The following GLIS1 variants were observed in gnomAD, a reference collection of about 807,000 sequenced individuals.
GLIS1 encodes the protein GLIS family zinc finger 1, also known as zinc finger protein GLIS1.
A neutral mutation model predicts 63.8 loss-of-function variants in GLIS1; 24 were observed. The observed-to-expected ratio is 0.38, with a 90% CI of 0.27 to 0.53. GLIS1 has a LOEUF of 0.53. GLIS1 is among the 20% of genes least tolerant of loss of function. The probability of loss-of-function intolerance (pLI) is 0.85; values close to 1 mark genes in which losing one functional copy is unlikely to be tolerated. For synonymous variants in GLIS1, 450 were observed against 482.5 expected (o/e 0.93, Z 0.88); for missense variants, 1,036 against 1,074.1 (o/e 0.96, Z 0.50).
At chr1:53,518,265 G>A (rs1180180540) in intron 7 of GLIS1, among the ~76,000 whole-genome samples, 1 of 152,208 alleles carries the variant, frequency 6.6e-6, no homozygotes, top group Non-Finnish European at 1.5e-5. Flanking sequence ...CTAGCAGCAG[G>A]GAGGTGCGGG....
rs1348229948 is a variant in GLIS1, at chr1:53,614,078, CATTT to C, written c.260-13804_260-13801del. Reference sequence around the variant, plus strand: ...ATACATCAAATGTTAACAATTCATTCATTTAACACATGGATATTGAATGCCTACT... The same window carrying C: ...ATACATCAAATGTTAACAATTCATTCAACACATGGATATTGAATGCCTACT... On this transcript the variant is annotated intron_variant, in intron 2 of 10. Coordinates refer to ENST00000628545, the MANE Select transcript of GLIS1 (RefSeq NM_001367484.1). Among the ~76,000 whole-genome samples the C allele has an allele frequency of 7.9e-5, 12 of 152,164 alleles. 1 individual carries two copies. Among genetic ancestry groups the C allele is most frequent in the Admixed American group, 7.9e-4 (12 of 15,278 alleles).
rs1644332348 is a variant in GLIS1 at position 53,514,708 on chromosome 1, A to G, written c.1800T>C (p.Pro600=). The change falls in exon 8 of 11, where the codon CCT becomes CCC. Residue 600 remains proline (P), a synonymous_variant. Transcript: ENST00000628545. ...TGGCATCCAGCGGGTGGTGCCTGGAAGGTACGTCGTGCGCTGGGGGCAGGA... is the reference window on the plus strand; with the variant it reads ...TGGCATCCAGCGGGTGGTGCCTGGAGGGTACGTCGTGCGCTGGGGGCAGGA... The part of the protein sequence containing the change: ...SGLLPPAHDV[P]SRHHPLDATT... 4.3e-6 allele frequency: 7 copies of G among 1,613,694 alleles called. No individual in the cohort carries two copies. Among genetic ancestry groups the G allele is most frequent in the Non-Finnish European group, 4.2e-6 (5 of 1,179,866 alleles).
At chr1:53,694,381 C>G (rs552727204) in intron 2 of GLIS1, among the ~76,000 whole-genome samples, 1 of 152,218 alleles carries the variant, frequency 6.6e-6, no homozygotes, top group Non-Finnish European at 1.5e-5. Context: ...CAAGCTTATA[C>G]CTCCTCACTC....
intron 6 of GLIS1, among the ~76,000 whole-genome samples, chr1:53,522,259 G>T (rs1195883864): frequency 6.6e-6 from 1 of 152,246 alleles, no homozygotes; most frequent in Non-Finnish European, 1.5e-5. Flanking sequence ...TACAAGGGTC[G>T]CTTTACCCAG....
chr1:53,634,837 C>T (rs1028054028), intron 2 of GLIS1, among the ~76,000 whole-genome samples: 5 of 152,104 alleles, frequency 3.3e-5, no homozygotes, highest in South Asian at 4.1e-4. Context: ...CACGAATAAA[C>T]GCTTCCCCTT....
chr1:53,709,385 CATATATATACATATACATATATATAT>C (rs1557534389), intron 2 of GLIS1, among the ~76,000 whole-genome samples: 690 of 43,722 alleles, frequency 0.016, 10 homozygotes, highest in African/African-American at 0.051. Context: ...TACATATATA[CATATATATACATATACATATATATAT>C]ACACACACAC....
In GLIS1 at chr1:53,598,449, C is replaced by T. The variant is rs1371358435; in HGVS notation, c.437+1652G>A. 6.6e-6 allele frequency among the ~76,000 whole-genome samples: 1 copy of T among 151,962 alleles called. No homozygotes were observed. Among genetic ancestry groups the T allele is most frequent in the East Asian group, 1.9e-4 (1 of 5,168 alleles). ...GCTGGAGTGGCTGAGGTGGCAGGAT[C>T]ACTTGAGCCTGGGAGGTGGAGGCTG... On this transcript the variant is annotated intron_variant, in intron 3 of 10. Coordinates refer to ENST00000628545, the MANE Select transcript of GLIS1 (RefSeq NM_001367484.1). This position sits in a 1 kb window ranked among gnomAD's most constrained non-coding sequence, Gnocchi z 4.6.
In GLIS1 at chr1:53,577,690, G is replaced by A. The variant is rs75982382; in HGVS notation, c.1320+16418C>T. Among the ~76,000 whole-genome samples, 419 of 152,268 alleles carry A rather than the reference G, an allele frequency of 2.8e-3. 3 individuals are homozygous for A. The highest frequency in any genetic ancestry group is 9.5e-3 in the African/African-American group (394 of 41,540). On this transcript the variant is annotated intron_variant, in intron 4 of 10. Transcript: ENST00000628545. ...GTCTGGGTAGGCTCTAAGCTTGTGT[G>A]CCCCTGGAGGACCTGGGATCCTGCC... is the stretch of plus-strand genomic sequence containing the variant.
chr1:53,523,694 C>T (rs891890539), intron 6 of GLIS1, among the ~76,000 whole-genome samples: 1 of 152,178 alleles, frequency 6.6e-6, no homozygotes, highest in Admixed American at 6.5e-5. Flanking sequence ...GGGCTCTGCC[C>T]CCAGCTGCAG....
At chr1:53,655,162 C>T (rs999954842) in intron 2 of GLIS1, among the ~76,000 whole-genome samples, 10 of 152,130 alleles carry the variant, frequency 6.6e-5, no homozygotes, top group Non-Finnish European at 1.5e-5. Flanking sequence ...CTAACCTGTA[C>T]CTTCAGATGT....
chr1:53,639,764 G>C lies in GLIS1; in HGVS notation c.260-39486C>G, dbSNP rs1466320181. Among the ~76,000 whole-genome samples the C allele has an allele frequency of 6.6e-6, 1 of 152,132 alleles. No individual in the cohort carries two copies. Among genetic ancestry groups the C allele is most frequent in the African/African-American group, 2.4e-5 (1 of 41,418 alleles). On this transcript the variant is annotated intron_variant, in intron 2 of 10. Transcript: ENST00000628545. The surrounding 1 kb of genome is among the most constrained non-coding windows in gnomAD (Gnocchi z 4.6). ...TCAAGGACCAGGAGCACTGCTGTGG[G>C]CTTCAATGTATGCAAACCCTTCTCC...
At chr1:53,628,189 C>T (rs1489320683) in intron 2 of GLIS1, among the ~76,000 whole-genome samples, 2 of 152,152 alleles carry the variant, frequency 1.3e-5, no homozygotes, top group Non-Finnish European at 2.9e-5. Flanking sequence ...CTTTAGTGGT[C>T]ATTTCCTGAG....
chr1:53,509,204 C>T lies in GLIS1; in HGVS notation c.2146G>A (p.Asp716Asn), dbSNP rs997155148. 1 of 1,598,876 alleles carries T rather than the reference C, an allele frequency of 6.3e-7. No individual in the cohort carries two copies. Among genetic ancestry groups the T allele is most frequent in the Non-Finnish European group, 8.5e-7 (1 of 1,173,344 alleles). ...YRMAEPAAGG[D>N]GLVGETHGFN... Reference sequence around the variant, plus strand: ...CCGTGGGTCTCCCCGACCAGTCCGTCCCCACCGGCTGCTGGTTCAGCCATC... The same window carrying T: ...CCGTGGGTCTCCCCGACCAGTCCGTTCCCACCGGCTGCTGGTTCAGCCATC... The change falls in exon 10 of 11, where the codon GAC (aspartate) becomes AAC (asparagine). Residue 716 changes from aspartate (D) to asparagine (N), a missense_variant. Transcript: ENST00000628545.
intron 4 of GLIS1, among the ~76,000 whole-genome samples, chr1:53,562,635 CT>C (rs751590512): frequency 6.6e-6 from 1 of 152,202 alleles, no homozygotes; most frequent in Non-Finnish European, 1.5e-5. Context: ...ATCCCATCCC[CT>C]TAGGTGCTGG....
intron 2 of GLIS1, among the ~76,000 whole-genome samples, chr1:53,718,749 C>A (rs1379091015): frequency 6.6e-6 from 1 of 152,170 alleles, no homozygotes; most frequent in African/African-American, 2.4e-5. Context: ...CTTAACTCTG[C>A]GGATCATTCC....
chr1:53,719,017 G>C (rs1646726667), intron 2 of GLIS1, among the ~76,000 whole-genome samples: 6 of 152,158 alleles, frequency 3.9e-5, no homozygotes, highest in Admixed American at 2.6e-4. Context: ...TCCTCCGGTT[G>C]GCAGGCACCC....
intron 2 of GLIS1, among the ~76,000 whole-genome samples, chr1:53,673,055 C>G (rs1224289313): frequency 1.3e-5 from 2 of 152,332 alleles, no homozygotes; most frequent in Admixed American, 1.3e-4. Context: ...TCCGTGTTCC[C>G]CACAATCTCA....
chr1:53,703,931 A>T (rs1291977809), intron 2 of GLIS1, among the ~76,000 whole-genome samples: 5 of 152,232 alleles, frequency 3.3e-5, no homozygotes, highest in Non-Finnish European at 5.9e-5. Flanking sequence ...AGCAAGACAC[A>T]GGGCAGGGGG....
chr1:53,675,851 C>T (rs1646205548), intron 2 of GLIS1, among the ~76,000 whole-genome samples: 1 of 151,970 alleles, frequency 6.6e-6, no homozygotes, highest in African/African-American at 2.4e-5. Context: ...CCAAAACCTC[C>T]CCCAACCCCC....
Sources: gnomAD v4.1 joint callset for allele counts (sites outside exome capture counted in the v4.1 genomes callset) on GRCh38, gnomAD v4.1.1 for gene constraint, Gnocchi (gnomAD v3.1) non-coding constraint, MANE v1.5 for transcripts, NCBI Gene and HGNC (gene_info 2026-07-23, HGNC 2026-07-21) for gene names.